LGR6: variants seen among roughly 807,000 people sequenced by gnomAD.
The protein encoded by LGR6 is leucine rich repeat containing G protein-coupled receptor 6.
A neutral mutation model predicts 69.4 loss-of-function variants in LGR6; 45 were observed. The ratio of observed to expected loss-of-function variants is 0.65; its 90% CI spans 0.51 to 0.83. The LOEUF (loss-of-function observed/expected upper bound fraction) is 0.83. Ranked by LOEUF, LGR6 falls within the 40% of genes least tolerant of loss-of-function variation. LGR6 has a pLI of 0.00. For missense variants in LGR6, 1,108 were observed against 1,246.7 expected, an observed-to-expected ratio of 0.89 and a Z score of 1.68; for synonymous variants, 538 against 555.0, an observed-to-expected ratio of 0.97 and a Z score of 0.43.
chr1:202,297,674 C>T, intron 7 of LGR6, 98 bp downstream of exon 7: 2 of 925,760 alleles, frequency 2.2e-6, no homozygotes, highest in Non-Finnish European at 3.4e-6. Context: ...CCTCACCTCC[C>T]ATGGTCCTTA....
intron 1 of LGR6, among the ~76,000 whole-genome samples, chr1:202,219,244 C>T (rs1412084545): frequency 1.3e-5 from 2 of 152,352 alleles, no homozygotes; most frequent in East Asian, 3.9e-4. Flanking sequence ...CAACAGTGGC[C>T]TGTCCTGCTC....
chr1:202,235,183 G>T (rs56400820), intron 3 of LGR6, among the ~76,000 whole-genome samples: 2 of 152,134 alleles, frequency 1.3e-5, no homozygotes, highest in Non-Finnish European at 2.9e-5. Context: ...TTCTCCCCTT[G>T]TACATGCTCT....
intron 1 of LGR6, among the ~76,000 whole-genome samples, chr1:202,207,380 C>T (rs571689418): frequency 1.3e-5 from 2 of 152,252 alleles, no homozygotes. Context: ...GACTGAGCAA[C>T]CTTGGGTTGG....
intron 1 of LGR6, among the ~76,000 whole-genome samples, chr1:202,196,444 CA>C (rs774902398): frequency 2.6e-5 from 4 of 152,172 alleles, no homozygotes; most frequent in Non-Finnish European, 4.4e-5. Flanking sequence ...GGCCCTGCCC[CA>C]TGTATCCCAG....
At chr1:202,197,553 C>A in intron 1 of LGR6, 1 of 473,278 alleles carries the variant, frequency 2.1e-6, no homozygotes, top group Non-Finnish European at 4.3e-6. Flanking sequence ...GGCTCTGGGA[C>A]ATCCAATCTG....
At chr1:202,292,402 A>G (rs1052359909) in intron 6 of LGR6, among the ~76,000 whole-genome samples, 1 of 152,222 alleles carries the variant, frequency 6.6e-6, no homozygotes, top group African/African-American at 2.4e-5. Flanking sequence ...AATGGCACAA[A>G]CACAATAGAA....
chr1:202,287,167 C>T (rs934755846), intron 6 of LGR6, among the ~76,000 whole-genome samples: 6 of 152,172 alleles, frequency 3.9e-5, no homozygotes, highest in African/African-American at 1.4e-4. Flanking sequence ...TTACCACTCT[C>T]TTTTCTTCTG....
chr1:202,239,461 G>C (rs16849785), intron 4 of LGR6, among the ~76,000 whole-genome samples: 4,257 of 151,960 alleles, frequency 0.028, 209 homozygotes, highest in African/African-American at 0.099. Flanking sequence ...CTGAAAAGTA[G>C]GGAGGACCTT....
At chr1:202,196,230 C>G (rs2147883494) in intron 1 of LGR6, among the ~76,000 whole-genome samples, 1 of 152,004 alleles carries the variant, frequency 6.6e-6, no homozygotes. Flanking sequence ...GGGAGGGGTC[C>G]CATCTGGATG....
intron 1 of LGR6, among the ~76,000 whole-genome samples, chr1:202,215,010 T>C (rs1419826595): frequency 6.7e-6 from 1 of 148,948 alleles, no homozygotes; most frequent in African/African-American, 2.5e-5. Context: ...TGTGTGTGTG[T>C]GTGTGTGTGT....
At chr1:202,271,610 C>T (rs1424210558) in intron 4 of LGR6, among the ~76,000 whole-genome samples, 2 of 151,906 alleles carry the variant, frequency 1.3e-5, no homozygotes, top group Non-Finnish European at 2.9e-5. Flanking sequence ...AGTTCGAGAC[C>T]AGCCTGGCCA....
intron 3 of LGR6, among the ~76,000 whole-genome samples, chr1:202,233,575 T>A (rs1487013373): frequency 6.6e-6 from 1 of 152,162 alleles, no homozygotes; most frequent in Non-Finnish European, 1.5e-5. Flanking sequence ...GGAAATGTCC[T>A]GGATGGAATG....
intron 1 of LGR6, among the ~76,000 whole-genome samples, chr1:202,214,948 C>T (rs1008013870): frequency 2.0e-5 from 3 of 151,484 alleles, no homozygotes; most frequent in Non-Finnish European, 2.9e-5. Context: ...TTTAGAAAAC[C>T]CTCTGGCTAG....
chr1:202,226,505 G>A (rs1316485794), intron 2 of LGR6, among the ~76,000 whole-genome samples: 1 of 152,104 alleles, frequency 6.6e-6, no homozygotes, highest in South Asian at 2.1e-4. Context: ...TTGCCACCGT[G>A]ACCCTAGACA....
chr1:202,269,276 T>C (rs999255834), intron 4 of LGR6, among the ~76,000 whole-genome samples: 1 of 152,094 alleles, frequency 6.6e-6, no homozygotes, highest in Non-Finnish European at 1.5e-5. Context: ...GTCTTAGTGA[T>C]GGGCAGCTTC....
chr1:202,247,550 T>C (rs779396182), intron 4 of LGR6, among the ~76,000 whole-genome samples: 1 of 152,152 alleles, frequency 6.6e-6, no homozygotes, highest in Non-Finnish European at 1.5e-5. Context: ...ATGTAAATGT[T>C]AAGGTTTAGA....
At chr1:202,204,212 A>G (rs1658939189) in intron 1 of LGR6, among the ~76,000 whole-genome samples, 1 of 122,264 alleles carries the variant, frequency 8.2e-6, no homozygotes, top group Non-Finnish European at 1.8e-5. Flanking sequence ...ACCTCCTTCA[A>G]GCACACACAC....
At chr1:202,295,870 AGTGTGTGTGTGTGTGTGT>A (rs10522809) in intron 6 of LGR6, among the ~76,000 whole-genome samples, 28 of 143,942 alleles carry the variant, frequency 1.9e-4, no homozygotes, top group African/African-American at 3.7e-4. Context: ...TTGGGTAATT[AGTGTGTGTGTGTGTGTGT>A]GTGTGTGTGT....
intron 3 of LGR6, among the ~76,000 whole-genome samples, chr1:202,228,713 A>G (rs1453378617): frequency 1.3e-5 from 2 of 152,158 alleles, no homozygotes; most frequent in African/African-American, 4.8e-5. Context: ...TATGCTTATG[A>G]TGAGTGAGGG....
Sources: allele counts gnomAD v4.1 joint callset (sites outside exome capture counted in the v4.1 genomes callset), GRCh38; gene constraint gnomAD v4.1.1; transcripts MANE v1.5; gene names NCBI Gene and HGNC (gene_info 2026-07-23, HGNC 2026-07-21).